Variants in NR3C1 observed in about 807,000 individuals in gnomAD.
The protein encoded by NR3C1 is nuclear receptor subfamily 3 group C member 1.
NR3C1 carries 14 observed loss-of-function variants against 74.0 expected under a neutral mutation model. That is an observed-to-expected ratio of 0.19 (90% CI 0.12 to 0.30). NR3C1 has a LOEUF of 0.30. NR3C1 is among the 10% of genes least tolerant of loss of function. The probability of loss-of-function intolerance (pLI) is 1.00; values close to 1 mark genes in which losing one functional copy is unlikely to be tolerated. For missense variants in NR3C1, 695 were observed against 909.8 expected, an observed-to-expected ratio of 0.76 and a Z score of 3.04; for synonymous variants, 308 against 332.5, an observed-to-expected ratio of 0.93 and a Z score of 0.80.
intron 1 of NR3C1, among the ~76,000 whole-genome samples, chr5:143,415,083 C>T (rs4244031): frequency 0.99 from 151,318 of 152,294 alleles, 75,184 homozygotes; most frequent in Middle Eastern, 1. Flanking sequence ...AAAAAAACTT[C>T]AAAAGATGCT....
chr5:143,350,567 T>C (rs1830053298), intron 2 of NR3C1, among the ~76,000 whole-genome samples: 1 of 152,074 alleles, frequency 6.6e-6, no homozygotes, highest in Admixed American at 6.6e-5. Context: ...CTATAACTCA[T>C]CCAAGAAAAG....
At chr5:143,306,945 G>A (rs1319751621) in intron 4 of NR3C1, among the ~76,000 whole-genome samples, 2 of 128,260 alleles carry the variant, frequency 1.6e-5, no homozygotes, top group African/African-American at 6.1e-5. Flanking sequence ...CGCCCAGGCT[G>A]GAGTGCAGTG....
chr5:143,401,600 T>G (rs924734179), intron 1 of NR3C1, among the ~76,000 whole-genome samples: 1 of 152,222 alleles, frequency 6.6e-6, no homozygotes, highest in African/African-American at 2.4e-5. Flanking sequence ...GAAGGTGTAG[T>G]AGTTTCTCAC....
chr5:143,386,390 G>A (rs772730796), intron 2 of NR3C1, among the ~76,000 whole-genome samples: 4 of 152,196 alleles, frequency 2.6e-5, no homozygotes, highest in Admixed American at 6.5e-5. Context: ...CAAAAATCAC[G>A]AAACCACATG....
chr5:143,335,040 T>G (rs981696723), intron 2 of NR3C1, among the ~76,000 whole-genome samples: 9 of 152,150 alleles, frequency 5.9e-5, no homozygotes, highest in African/African-American at 1.7e-4. Context: ...ATAGAGAACA[T>G]GAGGGGTTCA....
In NR3C1 at chr5:143,391,589, T is replaced by A. The variant is rs1439667644; in HGVS notation, c.1184+8067A>T. ...GCATTTATTAATAAAAATATAACAA[T>A]GTGGTTGGAGTTATCACTATGGCTA... On this transcript the variant is annotated intron_variant, in intron 2 of 8. Coordinates refer to ENST00000394464, the MANE Select transcript of NR3C1 (RefSeq NM_000176.3). Among the ~76,000 whole-genome samples the A allele has an allele frequency of 2.6e-5, 4 of 152,186 alleles. No individual in the cohort carries two copies. The South Asian group carries it at 6.2e-4, about 24-fold the overall frequency.
chr5:143,295,504 T>C lies in NR3C1; in HGVS notation c.1979A>G (p.Tyr660Cys). 6.2e-7 allele frequency: 1 copy of C among 1,613,264 alleles called. No individual in the cohort carries two copies. Among genetic ancestry groups the C allele is most frequent in the Non-Finnish European group, 8.5e-7 (1 of 1,179,448 alleles). Residue 660 changes from tyrosine (Y) to cysteine (C), a missense_variant, in exon 7 of 9, where the codon TAT becomes TGT. Transcript: ENST00000394464. ...SSELHRLQVS[Y>C]EEYLCMKTLL... The stretch of plus-strand genomic sequence containing the variant: ...GGTTTTCATACAGAGATACTCTTCA[T>C]AAGATACCTGAAGCCTGTGTAACTC...
intron 2 of NR3C1, among the ~76,000 whole-genome samples, chr5:143,327,795 C>T (rs1262759137): frequency 6.6e-6 from 1 of 152,256 alleles, no homozygotes; most frequent in South Asian, 2.1e-4. Context: ...GGCTTTCATA[C>T]CCTTGGGCAG....
chr5:143,323,323 G>A (rs1823779447), intron 2 of NR3C1, among the ~76,000 whole-genome samples: 1 of 152,176 alleles, frequency 6.6e-6, no homozygotes, highest in South Asian at 2.1e-4. Flanking sequence ...GGAGGTGAAA[G>A]GTACTTCTTA....
At chr5:143,337,320 C>G (rs972756422) in intron 2 of NR3C1, among the ~76,000 whole-genome samples, 3 of 152,076 alleles carry the variant, frequency 2.0e-5, no homozygotes, top group African/African-American at 7.2e-5. Context: ...AACTTACATA[C>G]CCATCAGACT....
At chr5:143,385,719 C>T (rs1278202860) in intron 2 of NR3C1, among the ~76,000 whole-genome samples, 1 of 152,228 alleles carries the variant, frequency 6.6e-6, no homozygotes, top group African/African-American at 2.4e-5. Context: ...ACCACCTCAG[C>T]CTGGACTTTA....
intron 1 of NR3C1, among the ~76,000 whole-genome samples, chr5:143,419,198 A>G (rs1275114077): frequency 6.6e-6 from 1 of 152,220 alleles, no homozygotes; most frequent in African/African-American, 2.4e-5. Context: ...TGTCGGAAGC[A>G]TTTTGGATAA....
chr5:143,364,465 AT>A (rs1327915351), intron 2 of NR3C1, among the ~76,000 whole-genome samples: 1 of 152,262 alleles, frequency 6.6e-6, no homozygotes, highest in Non-Finnish European at 1.5e-5. Context: ...AGGAAAGGGA[AT>A]TACATAAGTA....
At chr5:143,433,521 T>G (rs2151965557) in intron 1 of NR3C1, among the ~76,000 whole-genome samples, 1 of 149,948 alleles carries the variant, frequency 6.7e-6, no homozygotes, top group South Asian at 2.1e-4. Context: ...CAAGACAAGG[T>G]TGTTTACCTT....
intron 7 of NR3C1, among the ~76,000 whole-genome samples, chr5:143,290,164 A>G (rs1206798619): frequency 1.3e-5 from 2 of 152,214 alleles, no homozygotes; most frequent in African/African-American, 2.4e-5. Flanking sequence ...TTGCCTTAAC[A>G]TCTATTTTGC....
At chr5:143,308,066 T>TA (rs1292213681) in intron 4 of NR3C1, among the ~76,000 whole-genome samples, 1 of 152,184 alleles carries the variant, frequency 6.6e-6, no homozygotes, top group African/African-American at 2.4e-5. Context: ...TTTGGGGAAT[T>TA]AGACTCTTCA....
chr5:143,308,154 T>A (rs372514623), intron 4 of NR3C1, among the ~76,000 whole-genome samples: 1 of 152,082 alleles, frequency 6.6e-6, no homozygotes, highest in East Asian at 1.9e-4. Context: ...CAACAATTAG[T>A]CTCTCCTATC....
chr5:143,289,069 T>C (rs1263474852), intron 7 of NR3C1, among the ~76,000 whole-genome samples: 2 of 109,216 alleles, frequency 1.8e-5, no homozygotes, highest in Admixed American at 2.3e-4. Context: ...TGAGACTCCA[T>C]CTCAAAAAAA....
chr5:143,399,776 G>A lies in NR3C1; in HGVS notation c.1064C>T (p.Pro355Leu). The A allele has an allele frequency of 1.2e-6, 2 of 1,614,146 alleles. No homozygotes were observed. Among genetic ancestry groups the A allele is most frequent in the South Asian group, 2.2e-5 (2 of 91,084 alleles). ...ATTTTCGGAACCAACGGGAATTGGTGGAATGACATTAAAAATAGGCTTCTG... is the reference window on the plus strand; with the variant it reads ...ATTTTCGGAACCAACGGGAATTGGTAGAATGACATTAAAAATAGGCTTCTG... ...QDQKPIFNVI[P>L]PIPVGSENWN... The change falls in exon 2 of 9, where the codon CCA becomes CTA. Residue 355 changes from proline to leucine, a missense_variant. Pro to Leu is a moderately conservative substitution (Grantham distance 98). Transcript: ENST00000394464.
Sources: gnomAD v4.1 joint callset for allele counts (sites outside exome capture counted in the v4.1 genomes callset) on GRCh38, gnomAD v4.1.1 for gene constraint, MANE v1.5 for transcripts, NCBI Gene and HGNC (gene_info 2026-07-23, HGNC 2026-07-21) for gene names.